The following COL18A1 variants were observed in gnomAD, a reference collection of about 807,000 sequenced individuals.
The protein encoded by COL18A1 is collagen alpha-1(XVIII) chain.
In COL18A1, 133 loss-of-function variants were observed where a neutral mutation model predicts 168.0. The ratio of observed to expected loss-of-function variants is 0.79; its 90% CI spans 0.69 to 0.91. The LOEUF is 0.91. Ranked by LOEUF, COL18A1 falls within the 40% of genes least tolerant of loss-of-function variation. The pLI is 0.00. For missense variants in COL18A1, 2,126 were observed against 1,925.4 expected, an observed-to-expected ratio of 1.10 and a Z score of -1.95; for synonymous variants, 949 against 809.0, an observed-to-expected ratio of 1.17 and a Z score of -2.94.
rs2037669268 is a variant in COL18A1 at position 45,512,467 on chromosome 21, G to GCGGC, written c.*75_*78dup. Reference sequence around the variant, plus strand: ...AGGAAGCCCCCACCGTGGGCAGGGAGCGGCCGGCCAGCCCCTGGCCCCAGG... The same window carrying GCGGC: ...AGGAAGCCCCCACCGTGGGCAGGGAGCGGCCGGCCGGCCAGCCCCTGGCCCCAGG... On this transcript the variant is annotated 3_prime_UTR_variant, in exon 42 of 42. Transcript: ENST00000651438. The GCGGC allele has an allele frequency of 6.7e-7, 1 of 1,499,392 alleles. No homozygotes were observed. The highest frequency in any genetic ancestry group is 1.2e-5 in the South Asian group (1 of 84,442). The allele number at this position is 1,499,392 out of a possible 1,614,324, so 92.9% of individuals were successfully genotyped here. A position where few individuals can be genotyped will look rare whatever the true frequency, so the allele number is the denominator to read the frequency against.
Position 45,477,978 on chromosome 21 carries a change from G to A in COL18A1, c.1221+13G>A, listed in dbSNP as rs753197917. On this transcript the variant is annotated intron_variant, in intron 8 of 41. Transcript: ENST00000651438. The stretch of plus-strand genomic sequence containing the variant: ...GGACGGCGAGCCGGTGAGTCCTCAC[G>A]TCCCCCCGAGTCCGGCCCGGTCTGG... The A allele has an allele frequency of 9.8e-5, 132 of 1,343,156 alleles. No homozygotes were observed. Among genetic ancestry groups the A allele is most frequent in the Admixed American group, 3.7e-4 (19 of 50,678 alleles). 83.2% of individuals were successfully genotyped at this position (1,343,156 alleles called of 1,614,324 possible). A position where few individuals can be genotyped will look rare whatever the true frequency, so the allele number is the denominator to read the frequency against.
rs148502711 is a variant in COL18A1, at chr21:45,491,385, G to GCCCC, written c.2157+76_2157+79dup. On this transcript the variant is annotated intron_variant, in intron 22 of 41. Coordinates refer to ENST00000651438, the MANE Select transcript of COL18A1 (RefSeq NM_001379500.1). ...ACGGGGTGCAGAGATCCCTCCCCGA[G>GCCCC]CCCCCCCCACACCCCCACATCCCCC... is the stretch of plus-strand genomic sequence containing the variant. 2.2e-4 allele frequency: 156 copies of GCCCC among 717,082 alleles called. No individual in the cohort carries two copies. The African/African-American group carries it at 2.7e-3, about 12-fold the overall frequency. The allele number at this position is 717,082 out of a possible 1,614,324, so 44.4% of individuals were successfully genotyped here.
chr21:45,491,355 C>G (rs764568332), intron 22 of COL18A1, 41 bp downstream of exon 22: 2 of 1,338,218 alleles, frequency 1.5e-6, no homozygotes, highest in East Asian at 4.7e-5. Flanking sequence ...CTGTCCAGAC[C>G]CCCCACGGGG....
At chr21:45,413,208 GTC>G (rs1212979076) in intron 2 of COL18A1, among the ~76,000 whole-genome samples, 1 of 152,216 alleles carries the variant, frequency 6.6e-6, no homozygotes, top group South Asian at 2.1e-4. Flanking sequence ...AGTAAAATGG[GTC>G]CCCGTGAGCA....
chr21:45,487,252 G>A (rs1413405210), intron 16 of COL18A1, among the ~76,000 whole-genome samples, 195 bp from the exon 17 acceptor site: 2 of 152,200 alleles, frequency 1.3e-5, no homozygotes, highest in Admixed American at 6.5e-5. Context: ...GAGCTGACCC[G>A]AGACGGGCTG....
At chr21:45,408,773 G>C (rs1411710488) in intron 2 of COL18A1, among the ~76,000 whole-genome samples, 3 of 152,162 alleles carry the variant, frequency 2.0e-5, no homozygotes, top group African/African-American at 7.2e-5. Flanking sequence ...GCTCAGGAAG[G>C]AGACCCGGCT....
chr21:45,458,637 G>A (rs1012980498), intron 2 of COL18A1, among the ~76,000 whole-genome samples: 13 of 152,202 alleles, frequency 8.5e-5, no homozygotes, highest in Non-Finnish European at 1.5e-4. Flanking sequence ...TGCAGGAGCC[G>A]TACTGACTGG....
At position 45,505,372 on chromosome 21, in the gene COL18A1, G is replaced by A. The variant is rs1057518766; in HGVS notation, c.3028G>A (p.Gly1010Ser). The change falls in exon 36 of 42, where the codon GGC becomes AGC. Residue 1010 changes from glycine (G) to serine (S), a missense_variant. By Grantham distance (56) the Gly-to-Ser change is moderately conservative. Transcript: ENST00000651438. ...CTCTCCTGCAGCTATCAGCGTTCCC[G>A]GCCCTCCGGGCCCCCCTGGGCCCCC... ...GPHRQTISVPGPPGPPGPPGP... is the reference protein window; with the variant it reads ...GPHRQTISVPSPPGPPGPPGP... 34 of 1,593,514 alleles carry A rather than the reference G, an allele frequency of 2.1e-5. No individual in the cohort carries two copies. Among genetic ancestry groups the A allele is most frequent in the African/African-American group, 2.7e-5 (2 of 74,540 alleles).
intron 2 of COL18A1, chr21:45,422,620 C>T: frequency 2.6e-6 from 1 of 383,114 alleles, no homozygotes; most frequent in Non-Finnish European, 5.4e-6. Context: ...ACGGGCTCTC[C>T]CAGCCGTCGG....
chr21:45,494,089 C>A, intron 26 of COL18A1: 1 of 298,468 alleles, frequency 3.4e-6, no homozygotes, highest in Non-Finnish European at 6.4e-6. Context: ...TGTGGGCCAC[C>A]GGCTCTCCCA....
Position 45,498,534 on chromosome 21 carries a change from C to G in COL18A1, c.2683+873C>G. The G allele has an allele frequency of 2.8e-6, 2 of 716,826 alleles. No homozygotes were observed. The highest frequency in any genetic ancestry group is 2.6e-6 in the Non-Finnish European group (1 of 385,054). The allele number at this position is 716,826 out of a possible 1,614,324, so 44.4% of individuals were successfully genotyped here. ...TCTGCAGAGGAGGCCGCCATACCTG[C>G]TCTTGCTGGGGCTGCACTCTGGGGT... On this transcript the variant is annotated intron_variant, in intron 32 of 41. Coordinates refer to ENST00000651438, the MANE Select transcript of COL18A1 (RefSeq NM_001379500.1). This position sits in a 1 kb window ranked among gnomAD's most constrained non-coding sequence, Gnocchi z 4.5.
At chr21:45,465,660 C>T (rs565017975) in intron 2 of COL18A1, among the ~76,000 whole-genome samples, 1 of 152,242 alleles carries the variant, frequency 6.6e-6, no homozygotes, top group Non-Finnish European at 1.5e-5. Context: ...GGGGGCTGTG[C>T]TGGAGGGCGG....
intron 41 of COL18A1, 127 bp from the exon 42 acceptor site, chr21:45,512,061 G>A (rs1347241763): frequency 3.9e-6 from 4 of 1,020,956 alleles, no homozygotes; most frequent in South Asian, 1.4e-5. Context: ...CCAGGTTGTG[G>A]GAGCCTCTGC....
At chr21:45,470,934 G>C (rs1181417757) in intron 3 of COL18A1, among the ~76,000 whole-genome samples, 1 of 149,182 alleles carries the variant, frequency 6.7e-6, no homozygotes, top group Non-Finnish European at 1.5e-5. Context: ...GCCCTGCTGG[G>C]CGTGGGTGGC....
rs868654768 is a variant in COL18A1 at position 45,507,395 on chromosome 21, C to T, written c.3217-166C>T. ...GGAGGGCCGGGTGCTGGGCAGGGAG[C>T]GTACCCTGGCACAGGCTTGGAGGGG... On this transcript the variant is annotated intron_variant, in intron 37 of 41. Transcript: ENST00000651438. 1.0e-4 allele frequency: 74 copies of T among 725,502 alleles called. 1 individual carries two copies. Among genetic ancestry groups the T allele is most frequent in the Middle Eastern group, 7.3e-4 (2 of 2,734 alleles). 44.9% of individuals were successfully genotyped at this position (725,502 alleles called of 1,614,324 possible).
At chr21:45,488,198 A>G (rs2036182391) in intron 17 of COL18A1, among the ~76,000 whole-genome samples, 1 of 152,256 alleles carries the variant, frequency 6.6e-6, no homozygotes, top group South Asian at 2.1e-4. Context: ...GCTGGGACAC[A>G]TTTCTTACTT....
intron 2 of COL18A1, chr21:45,456,303 G>T (rs573085272): frequency 6.4e-7 from 1 of 1,553,618 alleles, no homozygotes; most frequent in Non-Finnish European, 8.7e-7. Context: ...CCTGACGTCC[G>T]CCTGCGCACG....
chr21:45,463,311 C>T lies in COL18A1; in HGVS notation c.107-4931C>T, dbSNP rs182479379. On this transcript the variant is annotated intron_variant, in intron 2 of 41. Transcript: ENST00000651438. This position sits in a 1 kb window ranked among gnomAD's most constrained non-coding sequence, Gnocchi z 4.0. ...CTGTTTCCCACAAGCTGTGTGGCTG[C>T]TGCTCCAGGAACTCGTGCATGGCAC... 9.8e-5 allele frequency among the ~76,000 whole-genome samples: 15 copies of T among 152,358 alleles called. No homozygotes were observed. Among genetic ancestry groups the T allele is most frequent in the Admixed American group, 7.8e-4 (12 of 15,312 alleles).
Position 45,504,242 on chromosome 21 carries a change from A to G in COL18A1, c.2728-174A>G. 4 of 886,766 alleles carry G rather than the reference A, an allele frequency of 4.5e-6. No homozygotes were observed. The South Asian group carries it at 6.2e-5, about 14-fold the overall frequency. 54.9% of individuals were successfully genotyped at this position (886,766 alleles called of 1,614,324 possible). A position where few individuals can be genotyped will look rare whatever the true frequency, so the allele number is the denominator to read the frequency against. On this transcript the variant is annotated intron_variant, in intron 33 of 41. Transcript: ENST00000651438. ...CTGTCCCCGGCTCAGTTTTTGGGGG[A>G]CTCGGCTGATGCAGTGGGAGGTGGG...
Sources: allele counts gnomAD v4.1 joint callset (sites outside exome capture counted in the v4.1 genomes callset), GRCh38; gene constraint gnomAD v4.1.1; non-coding constraint Gnocchi (gnomAD v3.1); transcripts MANE v1.5; gene names NCBI Gene and HGNC (gene_info 2026-07-23, HGNC 2026-07-21).